The following HMGB1 variants were observed in gnomAD, a reference collection of about 807,000 sequenced individuals.
HMGB1 encodes high mobility group protein B1.
For missense variants in HMGB1, 79 were observed against 253.5 expected, an observed-to-expected ratio of 0.31 and a Z score of 4.67; for synonymous variants, 81 against 84.0, an observed-to-expected ratio of 0.96 and a Z score of 0.19.
exon 1 of HMGB1, chr13:30,617,585 CCCT>C (rs1950582329): frequency 6.6e-6 from 1 of 152,300 alleles, no homozygotes; most frequent in African/African-American, 2.4e-5. Context: ...TCAGCGTAAT[CCCT>C]CCGCAGAAAG....
At chr13:30,501,848 C>T (rs1300077136) in intron 1 of HMGB1, among the ~76,000 whole-genome samples, 2 of 152,104 alleles carry the variant, frequency 1.3e-5, no homozygotes, top group Admixed American at 1.3e-4. Context: ...AAAGGCAATA[C>T]CAAATACAAA....
chr13:30,605,107 G>C (rs1035388088), intron 1 of HMGB1, among the ~76,000 whole-genome samples: 1 of 152,190 alleles, frequency 6.6e-6, no homozygotes, highest in Non-Finnish European at 1.5e-5. Flanking sequence ...ATGTGGAATA[G>C]CAGGTAAATA....
intron 1 of HMGB1, among the ~76,000 whole-genome samples, chr13:30,482,431 A>G (rs1286036830): frequency 1.3e-5 from 2 of 152,220 alleles, no homozygotes; most frequent in African/African-American, 2.4e-5. Context: ...AGGGGGCAGA[A>G]ACTAATATTT....
chr13:30,469,718 C>T (rs1281329895), upstream of HMGB1, among the ~76,000 whole-genome samples: 1 of 152,102 alleles, frequency 6.6e-6, no homozygotes, highest in Non-Finnish European at 1.5e-5. Flanking sequence ...GCAACCTCTG[C>T]GTCCTTGGTT....
chr13:30,539,105 C>T (rs1014358819), intron 1 of HMGB1, among the ~76,000 whole-genome samples: 3 of 152,180 alleles, frequency 2.0e-5, no homozygotes, highest in African/African-American at 7.2e-5. Flanking sequence ...CCATGTTGGC[C>T]TGGATGGTCT....
chr13:30,559,571 T>A lies in HMGB1; in HGVS notation c.-15+57100A>T, dbSNP rs1049967167. Among the ~76,000 whole-genome samples, 1 of 152,094 alleles carries A rather than the reference T, an allele frequency of 6.6e-6. No homozygotes were observed. Among genetic ancestry groups the A allele is most frequent in the Non-Finnish European group, 1.5e-5 (1 of 68,022 alleles). On this transcript the variant is annotated intron_variant, in intron 1 of 4. Coordinates refer to the HMGB1 transcript ENST00000405805. This position sits in a 1 kb window ranked among gnomAD's most constrained non-coding sequence, Gnocchi z 6.6. ...GTAGTAGGCTGCCTGCTCTAACACA[T>A]GAGATTAAATTTAGATAGCCACATA...
chr13:30,550,164 C>G (rs1869357832), intron 1 of HMGB1, among the ~76,000 whole-genome samples: 1 of 150,428 alleles, frequency 6.6e-6, no homozygotes, highest in African/African-American at 2.5e-5. Flanking sequence ...AAACTCATTA[C>G]AAAACAAAGG....
chr13:30,611,722 G>A lies in HMGB1; in HGVS notation c.-15+4949C>T, dbSNP rs534886559. 4.6e-5 allele frequency among the ~76,000 whole-genome samples: 7 copies of A among 152,002 alleles called. No individual in the cohort carries two copies. In the East Asian group the frequency reaches 1.4e-3, roughly 29 times the overall value. ...GAATAAGGACTATGCATTATTCACT[G>A]TTGTATTCTCCCTGCATTTATGGCA... is the stretch of plus-strand genomic sequence containing the variant. On this transcript the variant is annotated intron_variant, in intron 1 of 4. Coordinates refer to the HMGB1 transcript ENST00000405805.
At chr13:30,526,207 C>A (rs1004674725) in intron 1 of HMGB1, among the ~76,000 whole-genome samples, 1 of 152,044 alleles carries the variant, frequency 6.6e-6, no homozygotes, top group Non-Finnish European at 1.5e-5. Context: ...CAGGCATGCA[C>A]CACCATGTCT....
At chr13:30,545,571 A>G (rs1306593330) in intron 1 of HMGB1, among the ~76,000 whole-genome samples, 1 of 152,150 alleles carries the variant, frequency 6.6e-6, no homozygotes, top group African/African-American at 2.4e-5. Flanking sequence ...AGTGCCCAGT[A>G]TTCCTGAGTC....
At chr13:30,617,542 A>C (rs1950581141) in exon 1 of HMGB1, 1 of 152,200 alleles carries the variant, frequency 6.6e-6, no homozygotes, top group Non-Finnish European at 1.5e-5. Flanking sequence ...CGCGCGGACC[A>C]CGGAACAGCG....
At chr13:30,541,066 C>A (rs76386208) in intron 1 of HMGB1, 41,052 of 151,938 alleles carry the variant, frequency 0.27, 7,731 homozygotes, top group African/African-American at 0.54. Context: ...ATCTAGAAAA[C>A]TGGACGTCAT....
intron 1 of HMGB1, among the ~76,000 whole-genome samples, chr13:30,473,076 T>C (rs1886983660): frequency 6.6e-6 from 1 of 152,072 alleles, no homozygotes; most frequent in African/African-American, 2.4e-5. Flanking sequence ...GGATGTTTCA[T>C]GACTAAATGG....
At chr13:30,615,611 CTG>C (rs1950552791) in intron 1 of HMGB1, among the ~76,000 whole-genome samples, 1 of 152,154 alleles carries the variant, frequency 6.6e-6, no homozygotes, top group Non-Finnish European at 1.5e-5. Context: ...GGATTACAGA[CTG>C]TACTCATAGA....
intron 1 of HMGB1, among the ~76,000 whole-genome samples, chr13:30,537,652 C>CACAT (rs1555238611): frequency 2.9e-5 from 2 of 68,002 alleles, no homozygotes; most frequent in Admixed American, 3.7e-4. Flanking sequence ...CATTCTTGTT[C>CACAT]ATATATATAT....
chr13:30,545,630 T>G (rs1269899205), intron 1 of HMGB1, among the ~76,000 whole-genome samples: 1 of 152,192 alleles, frequency 6.6e-6, no homozygotes, highest in Non-Finnish European at 1.5e-5. Context: ...TGTGGCTATT[T>G]AAATCAAAAT....
At chr13:30,567,596 C>T (rs1411865741) in intron 1 of HMGB1, among the ~76,000 whole-genome samples, 1 of 152,116 alleles carries the variant, frequency 6.6e-6, no homozygotes, top group Non-Finnish European at 1.5e-5. Context: ...GTGATCCGCC[C>T]GCCTCGGCCT....
At chr13:30,579,120 T>A (rs373867205) in intron 1 of HMGB1, among the ~76,000 whole-genome samples, 4 of 152,194 alleles carry the variant, frequency 2.6e-5, no homozygotes, top group African/African-American at 9.7e-5. Flanking sequence ...ACCTGAGACA[T>A]AATAAACACT....
At chr13:30,508,847 A>G (rs1314543787) in intron 1 of HMGB1, among the ~76,000 whole-genome samples, 2 of 152,228 alleles carry the variant, frequency 1.3e-5, no homozygotes. Context: ...CAACAGCACC[A>G]CCGTTCTGCC....
Sources: allele counts gnomAD v4.1 joint callset (sites outside exome capture counted in the v4.1 genomes callset), GRCh38; gene constraint gnomAD v4.1.1; non-coding constraint Gnocchi (gnomAD v3.1); transcripts MANE v1.5; gene names NCBI Gene and HGNC (gene_info 2026-07-23, HGNC 2026-07-21).